GABRB3: variants seen among roughly 807,000 people sequenced by gnomAD.
GABRB3 encodes the protein gamma-aminobutyric acid type A receptor subunit beta3.
GABRB3 carries 14 observed loss-of-function variants against 52.1 expected under a neutral mutation model. The ratio of observed to expected loss-of-function variants is 0.27; its 90% CI spans 0.18 to 0.42. The LOEUF is 0.42. Among genes scored for constraint, GABRB3 ranks in the 10% least tolerant of loss-of-function variants. GABRB3 has a pLI of 1.00. For synonymous variants in GABRB3, 260 were observed against 232.3 expected (o/e 1.12, Z -1.08); for missense variants, 307 against 609.1 (o/e 0.50, Z 5.22).
intron 3 of GABRB3, among the ~76,000 whole-genome samples, chr15:26,753,976 A>T (rs1268554463): frequency 6.6e-6 from 1 of 152,216 alleles, no homozygotes; most frequent in Non-Finnish European, 1.5e-5. Context: ...GAAGACGATG[A>T]AGATAAAATA....
At position 26,546,042 on chromosome 15, in the gene GABRB3, G is replaced by C. The variant is rs1194001723; in HGVS notation, c.*1751C>G. The C allele has an allele frequency of 2.0e-5, 3 of 152,632 alleles. No individual in the cohort carries two copies. The highest frequency in any genetic ancestry group is 2.0e-4 in the Admixed American group (3 of 15,274). The allele number at this position is 152,632 out of a possible 1,614,324, so 9.5% of individuals were successfully genotyped here. ...TCCACACCACACGCATCCTCGGGGA[G>C]GGTGGTGCCTCTACCTACATCGAGA... On this transcript the variant is annotated 3_prime_UTR_variant, in exon 9 of 9. Transcript: ENST00000311550.
chr15:26,633,154 A>C (rs911371641), intron 3 of GABRB3, among the ~76,000 whole-genome samples: 61 of 152,364 alleles, frequency 4.0e-4, no homozygotes, highest in African/African-American at 1.4e-3. Context: ...TCGTCTACTC[A>C]ATATCCAAAT....
intron 4 of GABRB3, among the ~76,000 whole-genome samples, chr15:26,598,620 T>A (rs1307432190): frequency 6.6e-6 from 1 of 152,146 alleles, no homozygotes; most frequent in Non-Finnish European, 1.5e-5. Context: ...GAAAAAGGAT[T>A]TCTATGGGCA....
At chr15:26,616,968 C>A (rs928313546) in intron 4 of GABRB3, among the ~76,000 whole-genome samples, 19 of 144,216 alleles carry the variant, frequency 1.3e-4, no homozygotes, top group Admixed American at 1.0e-3. Flanking sequence ...AAAAAAAAAA[C>A]AAAAAGTGTA....
intron 3 of GABRB3, among the ~76,000 whole-genome samples, chr15:26,697,901 G>A (rs1290354646): frequency 6.6e-6 from 1 of 152,172 alleles, no homozygotes; most frequent in Non-Finnish European, 1.5e-5. Flanking sequence ...CTTATCAAAA[G>A]AGATGCCACC....
Position 26,560,968 on chromosome 15 carries a change from C to T in GABRB3, c.1044G>A (p.Lys348=). ...RQKKLAEKTA[K]AKNDRSKSES... Reference sequence around the variant, plus strand: ...CGCTCTTTGAACGGTCATTCTTTGCCTTGGCTGTCTTTTCTGCAAGCTTCT... The same window carrying T: ...CGCTCTTTGAACGGTCATTCTTTGCTTTGGCTGTCTTTTCTGCAAGCTTCT... The change falls in exon 8 of 9, where the codon AAG becomes AAA. Residue 348 remains lysine, a synonymous_variant. Coordinates refer to ENST00000311550, the MANE Select transcript of GABRB3 (RefSeq NM_000814.6). 6.2e-7 allele frequency: 1 copy of T among 1,614,088 alleles called. No homozygotes were observed. The highest frequency in any genetic ancestry group is 1.1e-5 in the South Asian group (1 of 91,076).
intron 3 of GABRB3, among the ~76,000 whole-genome samples, chr15:26,671,002 C>T (rs769862031): frequency 6.6e-6 from 1 of 152,156 alleles, no homozygotes; most frequent in Non-Finnish European, 1.5e-5. Context: ...CCTCAGCCTC[C>T]CAAGTAGCTG....
At chr15:26,611,672 T>G (rs931995262) in intron 4 of GABRB3, among the ~76,000 whole-genome samples, 1 of 152,204 alleles carries the variant, frequency 6.6e-6, no homozygotes, top group Non-Finnish European at 1.5e-5. Flanking sequence ...ATGTAATTTT[T>G]TTTGTTTGTT....
intron 3 of GABRB3, among the ~76,000 whole-genome samples, chr15:26,750,387 G>A (rs910075653): frequency 1.2e-4 from 19 of 152,126 alleles, no homozygotes; most frequent in Admixed American, 1.2e-3. Flanking sequence ...TAGATGAACT[G>A]CTCAGAGAAT....
intron 4 of GABRB3, among the ~76,000 whole-genome samples, chr15:26,595,059 G>A (rs1891346829): frequency 6.6e-6 from 1 of 152,184 alleles, no homozygotes; most frequent in South Asian, 2.1e-4. Context: ...ATATGTGGCT[G>A]CTTTTGCATG....
chr15:26,668,607 A>G (rs1270532231), intron 3 of GABRB3, among the ~76,000 whole-genome samples: 1 of 152,114 alleles, frequency 6.6e-6, no homozygotes, highest in African/African-American at 2.4e-5. Flanking sequence ...CCTCTTTTCT[A>G]TCTTTTCTTG....
chr15:26,743,128 C>T (rs1595337969), intron 3 of GABRB3, among the ~76,000 whole-genome samples: 1 of 152,002 alleles, frequency 6.6e-6, no homozygotes, highest in East Asian at 1.9e-4. Context: ...TGGTGTTTCA[C>T]CATGTTGGTC....
intron 4 of GABRB3, among the ~76,000 whole-genome samples, chr15:26,619,547 T>C (rs1000355141): frequency 4.1e-4 from 60 of 147,152 alleles, no homozygotes; most frequent in African/African-American, 1.1e-3. Flanking sequence ...AGGGATAGCA[T>C]TGGGATATAT....
At chr15:26,566,253 C>T (rs1317883582) in intron 7 of GABRB3, among the ~76,000 whole-genome samples, 2 of 152,098 alleles carry the variant, frequency 1.3e-5, no homozygotes, top group Non-Finnish European at 2.9e-5. Context: ...ACTTAACACC[C>T]TTAGGAATAG....
chr15:26,718,056 T>G (rs1315939815), intron 3 of GABRB3, among the ~76,000 whole-genome samples: 1 of 152,200 alleles, frequency 6.6e-6, no homozygotes, highest in Non-Finnish European at 1.5e-5. Flanking sequence ...ATACATAACC[T>G]ATCTATGGCA....
In GABRB3 at chr15:26,649,276, G is replaced by A. The variant is rs1352779811; in HGVS notation, c.241-27742C>T. On this transcript the variant is annotated intron_variant, in intron 3 of 8. Coordinates refer to ENST00000311550, the MANE Select transcript of GABRB3 (RefSeq NM_000814.6). ...TAGTGCCCTTGTAAAAGGGCTAGAG[G>A]GACATGAGATGCCCTTCTGTCTCCT... 2.6e-5 allele frequency among the ~76,000 whole-genome samples: 4 copies of A among 152,194 alleles called. No homozygotes were observed. In the East Asian group the frequency reaches 7.7e-4, roughly 29 times the overall value.
At chr15:26,606,820 A>ATATC (rs374134626) in intron 4 of GABRB3, among the ~76,000 whole-genome samples, 1 of 16,154 alleles carries the variant, frequency 6.2e-5, no homozygotes, top group Non-Finnish European at 2.3e-4. Flanking sequence ...ATAGATAGAT[A>ATATC]GATAGATAGA....
intron 3 of GABRB3, among the ~76,000 whole-genome samples, chr15:26,740,393 G>A (rs1890171503): frequency 6.6e-6 from 1 of 152,160 alleles, no homozygotes; most frequent in South Asian, 2.1e-4. Context: ...AGACAGGCTG[G>A]CTCTTCAAGG....
At chr15:26,653,966 T>C (rs1887281389) in intron 3 of GABRB3, among the ~76,000 whole-genome samples, 1 of 152,176 alleles carries the variant, frequency 6.6e-6, no homozygotes, top group Non-Finnish European at 1.5e-5. Context: ...ATAATGTTTA[T>C]TCAGACTAAT....
Sources: allele counts gnomAD v4.1 joint callset (sites outside exome capture counted in the v4.1 genomes callset), GRCh38; gene constraint gnomAD v4.1.1; transcripts MANE v1.5; gene names NCBI Gene and HGNC (gene_info 2026-07-23, HGNC 2026-07-21).